Variants in SEMA3C observed in about 807,000 individuals in gnomAD.
The protein encoded by SEMA3C is semaphorin 3C, also known as semaphorin-3C.
Under a neutral mutation model 89.4 loss-of-function variants are expected in SEMA3C, and 47 were observed. The ratio of observed to expected loss-of-function variants is 0.53; its 90% CI spans 0.42 to 0.67. SEMA3C has a LOEUF of 0.67. SEMA3C is among the 30% of genes least tolerant of loss of function. SEMA3C has a pLI of 0.00. For synonymous variants in SEMA3C, 310 were observed against 320.2 expected (o/e 0.97, Z 0.34); for missense variants, 839 against 929.1 (o/e 0.90, Z 1.26).
chr7:80,805,539 C>A (rs2115687500), intron 7 of SEMA3C, 100 bp downstream of exon 7: 1 of 967,676 alleles, frequency 1.0e-6, no homozygotes, highest in South Asian at 2.0e-5. Context: ...TAATAGCCTG[C>A]TATTTTAGTT....
At chr7:80,805,195 A>C (rs73372919) in intron 7 of SEMA3C, among the ~76,000 whole-genome samples, 2,675 of 152,200 alleles carry the variant, frequency 0.018, 73 homozygotes, top group African/African-American at 0.049. Context: ...AGTATAAAAC[A>C]AAAAGAGAGG....
intron 2 of SEMA3C, chr7:80,905,808 T>C (rs1352213314): frequency 8.0e-7 from 1 of 1,242,440 alleles, no homozygotes; most frequent in South Asian, 1.2e-5. Flanking sequence ...AATATTTACA[T>C]GGTTGGCTTA....
chr7:80,745,068 C>T lies in SEMA3C; in HGVS notation c.2082G>A (p.Met694Ile), dbSNP rs1787768957. The T allele has an allele frequency of 6.2e-7, 1 of 1,613,990 alleles. No homozygotes were observed. The highest frequency in any genetic ancestry group is 1.7e-5 in the Admixed American group (1 of 59,970). ...RALPFHPKDI[M>I]GAFSHSEMQM... ...GCATTTCTGAGTGGCTGAATGCCCCCATGATGTCCTTCGGGTGGAAGGGTA... is the reference window on the plus strand; with the variant it reads ...GCATTTCTGAGTGGCTGAATGCCCCTATGATGTCCTTCGGGTGGAAGGGTA... The change falls in exon 18 of 18, where the codon ATG (methionine) becomes ATA (isoleucine). Residue 694 changes from methionine to isoleucine, a missense_variant. Physicochemically the swap from Met to Ile is conservative, Grantham distance 10. Transcript: ENST00000265361.
chr7:80,862,017 A>G (rs1037297159), intron 2 of SEMA3C, among the ~76,000 whole-genome samples: 2 of 152,174 alleles, frequency 1.3e-5, no homozygotes, highest in Admixed American at 6.5e-5. Flanking sequence ...AAACCATGCC[A>G]TCTAAGAAAT....
intron 2 of SEMA3C, among the ~76,000 whole-genome samples, chr7:80,838,313 T>C (rs1348941368): frequency 1.3e-5 from 2 of 152,286 alleles, no homozygotes; most frequent in African/African-American, 4.8e-5. Flanking sequence ...TGAGAATATT[T>C]TGGAACCAGA....
intron 2 of SEMA3C, among the ~76,000 whole-genome samples, chr7:80,839,383 G>T (rs1335864389): frequency 6.6e-6 from 1 of 152,036 alleles, no homozygotes; most frequent in Non-Finnish European, 1.5e-5. Context: ...CAAGAACAGT[G>T]GTTCCAGGAT....
intron 2 of SEMA3C, among the ~76,000 whole-genome samples, chr7:80,878,081 G>T (rs1445820916): frequency 6.6e-6 from 1 of 151,980 alleles, no homozygotes; most frequent in African/African-American, 2.4e-5. Flanking sequence ...AAGTCCCATA[G>T]AATAAAAAAA....
At chr7:80,778,958 C>A (rs1386316042) in intron 12 of SEMA3C, among the ~76,000 whole-genome samples, 1 of 152,104 alleles carries the variant, frequency 6.6e-6, no homozygotes, top group African/African-American at 2.4e-5. Flanking sequence ...GAGTTAAATT[C>A]CTTATCTGCA....
In SEMA3C at chr7:80,744,319, T is replaced by TC. The variant is rs1487662979; in HGVS notation, c.*574dup. The TC allele has an allele frequency of 6.6e-6, 1 of 152,514 alleles. No individual in the cohort carries two copies. The highest frequency in any genetic ancestry group is 1.9e-4 in the East Asian group (1 of 5,186). The allele number at this position is 152,514 out of a possible 1,614,324, so 9.4% of individuals were successfully genotyped here. On this transcript the variant is annotated 3_prime_UTR_variant, in exon 18 of 18. Transcript: ENST00000265361. Reference sequence around the variant, plus strand: ...TACCAGTAACTGATTATTTTTACAATCTTAAAAAAACCCCAACATATTTCA... The same window carrying TC: ...TACCAGTAACTGATTATTTTTACAATCCTTAAAAAAACCCCAACATATTTCA...
intron 2 of SEMA3C, among the ~76,000 whole-genome samples, chr7:80,900,189 T>C (rs987765774): frequency 1.3e-5 from 2 of 151,926 alleles, no homozygotes; most frequent in African/African-American, 2.4e-5. Context: ...TCTCAGCTCA[T>C]TGCAAGCTCC....
In SEMA3C at chr7:80,916,766, T is replaced by C. The variant is rs1454746894; in HGVS notation, c.16A>G (p.Ile6Val). Residue 6 changes from isoleucine to valine, a missense_variant, in exon 2 of 18, where the codon ATT (isoleucine) becomes GTT (valine). Physicochemically the swap from Ile to Val is conservative, Grantham distance 29. Transcript: ENST00000265361. ...ATAAATACTCCAACCAACACGCAAATTGTCCGGAATGCCATTTCTTCAGAT... is the reference window on the plus strand; with the variant it reads ...ATAAATACTCCAACCAACACGCAAACTGTCCGGAATGCCATTTCTTCAGAT... MAFRT[I>V]CVLVGVFICS... is the part of the protein sequence containing the mutation. The C allele has an allele frequency of 6.2e-7, 1 of 1,613,498 alleles. No homozygotes were observed. Among genetic ancestry groups the C allele is most frequent in the South Asian group, 1.1e-5 (1 of 91,056 alleles).
chr7:80,774,178 A>G (rs1788495381), intron 12 of SEMA3C, among the ~76,000 whole-genome samples: 1 of 152,210 alleles, frequency 6.6e-6, no homozygotes, highest in Non-Finnish European at 1.5e-5. Context: ...TACAAGTTCA[A>G]ACAAGTGCAA....
At chr7:80,919,331 A>G, upstream of SEMA3C, 3 of 985,310 alleles carry the variant, frequency 3.0e-6, no homozygotes, top group South Asian at 4.7e-5. Context: ...TAGCTCCGCA[A>G]CCCTGCTCCT....
chr7:80,789,239 C>G, intron 12 of SEMA3C, 67 bp downstream of exon 12: 1 of 1,263,844 alleles, frequency 7.9e-7, no homozygotes, highest in Non-Finnish European at 1.1e-6. Flanking sequence ...ATGGCCCTTA[C>G]CTACTACCTA....
chr7:80,838,604 T>C (rs1790192084), intron 2 of SEMA3C, among the ~76,000 whole-genome samples: 1 of 152,184 alleles, frequency 6.6e-6, no homozygotes, highest in South Asian at 2.1e-4. Flanking sequence ...GCTACAAAGA[T>C]AGTACTTGGG....
intron 16 of SEMA3C, among the ~76,000 whole-genome samples, chr7:80,750,461 TATATATATATATACACAC>T (rs1479383353): frequency 1.3e-4 from 9 of 67,430 alleles, no homozygotes; most frequent in African/African-American, 5.1e-4. Flanking sequence ...TATATATATA[TATATATATATATACACAC>T]ACACACACAC....
chr7:80,876,280 TTAAGTA>T (rs1288231833), intron 2 of SEMA3C, among the ~76,000 whole-genome samples: 2 of 152,202 alleles, frequency 1.3e-5, no homozygotes, highest in African/African-American at 4.8e-5. Context: ...ATATACTTAT[TTAAGTA>T]TATTAAGTAT....
chr7:80,790,183 C>G (rs1277104041), intron 11 of SEMA3C, among the ~76,000 whole-genome samples: 1 of 152,044 alleles, frequency 6.6e-6, no homozygotes, highest in African/African-American at 2.4e-5. Flanking sequence ...CCTTGGGAAA[C>G]TGAGGCAGGA....
intron 6 of SEMA3C, 131 bp from the exon 7 acceptor site, chr7:80,805,889 G>A: frequency 2.0e-6 from 1 of 512,454 alleles, no homozygotes; most frequent in Middle Eastern, 5.2e-4. Flanking sequence ...AATATTAATT[G>A]GTTTGCATTG....
Sources: gnomAD v4.1 joint callset for allele counts (sites outside exome capture counted in the v4.1 genomes callset) on GRCh38, gnomAD v4.1.1 for gene constraint, MANE v1.5 for transcripts, NCBI Gene and HGNC (gene_info 2026-07-23, HGNC 2026-07-21) for gene names.